The following HEMK2 variants were observed in gnomAD, a reference collection of about 807,000 sequenced individuals.
HEMK2 encodes HemK methyltransferase 2, ETF1 glutamine and histone H4 lysine.
At chr21:28,583,133 C>T in the HEMK2 span, among the ~76,000 whole-genome samples, 1 of 152,040 alleles carries the variant, frequency 6.6e-6, no homozygotes, top group African/African-American at 2.4e-5. Context: ...ATACTTTGAA[C>T]AATTTATTTT....
At chr21:28,613,750 T>C in the HEMK2 span, among the ~76,000 whole-genome samples, 1 of 150,444 alleles carries the variant, frequency 6.6e-6, no homozygotes, top group African/African-American at 2.4e-5. Flanking sequence ...AAGATAGCAT[T>C]TGTATTAAAT....
chr21:28,680,549 T>G, the HEMK2 span, among the ~76,000 whole-genome samples: 1 of 152,186 alleles, frequency 6.6e-6, no homozygotes, highest in South Asian at 2.1e-4. Context: ...TAACTCATTT[T>G]ATGAGGCCAG....
At chr21:28,818,211 G>C in the HEMK2 span, among the ~76,000 whole-genome samples, 2 of 152,066 alleles carry the variant, frequency 1.3e-5, no homozygotes, top group Non-Finnish European at 2.9e-5. Context: ...TGAGTCTTCT[G>C]GTCTCCATCT....
At chr21:28,601,737 G>T in the HEMK2 span, among the ~76,000 whole-genome samples, 1 of 128,012 alleles carries the variant, frequency 7.8e-6, no homozygotes, top group Admixed American at 7.8e-5. Flanking sequence ...TGTTTTTCTA[G>T]TTCCAAGAAC....
the HEMK2 span, among the ~76,000 whole-genome samples, chr21:28,630,607 T>A: frequency 2.6e-5 from 4 of 151,384 alleles, no homozygotes; most frequent in African/African-American, 9.7e-5. Flanking sequence ...CCATAAAAAA[T>A]GATGAGTTCA....
the HEMK2 span, among the ~76,000 whole-genome samples, chr21:28,682,061 T>C: frequency 6.6e-6 from 1 of 152,004 alleles, no homozygotes; most frequent in Admixed American, 6.6e-5. Flanking sequence ...AGGATCTAAT[T>C]AAACTAAAGA....
chr21:28,859,281 A>G, the HEMK2 span, among the ~76,000 whole-genome samples: 1 of 152,156 alleles, frequency 6.6e-6, no homozygotes, highest in East Asian at 1.9e-4. Flanking sequence ...ATGATTGCCT[A>G]TCTTCCATCT....
At chr21:28,826,698 A>C in the HEMK2 span, among the ~76,000 whole-genome samples, 1 of 152,360 alleles carries the variant, frequency 6.6e-6, no homozygotes, top group South Asian at 2.1e-4. Context: ...AAAATCCGAA[A>C]GCAAACACTG....
the HEMK2 span, among the ~76,000 whole-genome samples, chr21:28,667,259 G>T: frequency 1.3e-5 from 2 of 152,156 alleles, no homozygotes; most frequent in Admixed American, 1.3e-4. Context: ...TGTTTTGACA[G>T]ATTTTTATTC....
At chr21:28,839,786 T>C in the HEMK2 span, among the ~76,000 whole-genome samples, 1 of 152,134 alleles carries the variant, frequency 6.6e-6, no homozygotes, top group Non-Finnish European at 1.5e-5. Flanking sequence ...AAAATGACCA[T>C]ACTGCCAAGA....
chr21:28,880,928 T>TAAA, the HEMK2 span, among the ~76,000 whole-genome samples: 28,736 of 102,356 alleles, frequency 0.28, 4,139 homozygotes, highest in East Asian at 0.37. Flanking sequence ...ATCATTTATT[T>TAAA]AAAAAAAAAA....
the HEMK2 span, among the ~76,000 whole-genome samples, chr21:28,661,515 T>A: frequency 1.2e-4 from 19 of 152,150 alleles, no homozygotes; most frequent in African/African-American, 4.3e-4. Context: ...TAGGTTTTGC[T>A]GTCTCTGTCT....
At chr21:28,661,210 A>G in the HEMK2 span, among the ~76,000 whole-genome samples, 1 of 151,974 alleles carries the variant, frequency 6.6e-6, no homozygotes, top group African/African-American at 2.4e-5. Context: ...AATTTATGGT[A>G]TCTTTCTGAT....
chr21:28,755,171 A>T, the HEMK2 span, among the ~76,000 whole-genome samples: 1 of 152,188 alleles, frequency 6.6e-6, no homozygotes, highest in Non-Finnish European at 1.5e-5. Context: ...ATTTTTCCAA[A>T]ATGAGAAGGC....
At chr21:28,782,932 A>C in the HEMK2 span, among the ~76,000 whole-genome samples, 6 of 152,220 alleles carry the variant, frequency 3.9e-5, no homozygotes, top group African/African-American at 1.4e-4. Context: ...TTAAATTAAC[A>C]GTTGACCAGT....
the HEMK2 span, among the ~76,000 whole-genome samples, chr21:28,799,945 C>T: frequency 2.0e-5 from 3 of 152,112 alleles, no homozygotes; most frequent in Non-Finnish European, 4.4e-5. Context: ...TAACCAGATA[C>T]CCATTTTTTA....
chr21:28,577,897 C>T, the HEMK2 span, among the ~76,000 whole-genome samples: 2 of 152,190 alleles, frequency 1.3e-5, no homozygotes, highest in Non-Finnish European at 2.9e-5. Context: ...TTGAAGAAGA[C>T]ACCACATTTA....
chr21:28,838,069 A>C, the HEMK2 span, among the ~76,000 whole-genome samples: 6 of 152,204 alleles, frequency 3.9e-5, no homozygotes, highest in African/African-American at 1.4e-4. Flanking sequence ...ACAAAAAAAT[A>C]GCCCAGGACC....
At chr21:28,682,163 G>C in the HEMK2 span, among the ~76,000 whole-genome samples, 2 of 151,752 alleles carry the variant, frequency 1.3e-5, no homozygotes, top group South Asian at 2.1e-4. Context: ...CTGACAAAGG[G>C]CTAATATCCA....
Sources: allele counts gnomAD v4.1 joint callset (sites outside exome capture counted in the v4.1 genomes callset), GRCh38; gene constraint gnomAD v4.1.1; transcripts MANE v1.5; gene names NCBI Gene and HGNC (gene_info 2026-07-23, HGNC 2026-07-21).